Variants in SCUBE1 observed in about 807,000 individuals in gnomAD.
SCUBE1 encodes the protein signal peptide, CUB and EGF-like domain-containing protein 1.
SCUBE1 carries 59 observed loss-of-function variants against 124.4 expected under a neutral mutation model. The ratio of observed to expected loss-of-function variants is 0.47; its 90% CI spans 0.38 to 0.59. The LOEUF is 0.59. Ranked by LOEUF, SCUBE1 falls within the 20% of genes least tolerant of loss-of-function variation. The pLI, the probability that SCUBE1 is intolerant of heterozygous loss-of-function variation, is 0.00. For synonymous variants in SCUBE1, 545 were observed against 550.9 expected (o/e 0.99, Z 0.15); for missense variants, 1,150 against 1,371.2 (o/e 0.84, Z 2.55).
chr22:43,313,991 A>C (rs1054614006), intron 3 of SCUBE1, among the ~76,000 whole-genome samples: 1 of 152,186 alleles, frequency 6.6e-6, no homozygotes, highest in Non-Finnish European at 1.5e-5. Context: ...GAATGTTACA[A>C]CTGGACAAGA....
At chr22:43,221,380 T>G in intron 12 of SCUBE1, 91 bp from the exon 13 acceptor site, 8 of 635,136 alleles carry the variant, frequency 1.3e-5, no homozygotes, top group South Asian at 3.7e-5. Context: ...CAAATCCATC[T>G]GGAGCTGGGG....
At chr22:43,221,917 A>G (rs1034934971) in intron 12 of SCUBE1, among the ~76,000 whole-genome samples, 2 of 152,162 alleles carry the variant, frequency 1.3e-5, no homozygotes, top group Admixed American at 6.5e-5. Context: ...TACAAAAATT[A>G]GCCAGGTGTG....
chr22:43,289,356 C>T (rs913094409), intron 4 of SCUBE1, among the ~76,000 whole-genome samples: 1 of 152,202 alleles, frequency 6.6e-6, no homozygotes, highest in African/African-American at 2.4e-5. Flanking sequence ...TCTTACAAGG[C>T]GCAAAACAAA....
chr22:43,329,218 C>G (rs1397426253), intron 2 of SCUBE1, among the ~76,000 whole-genome samples: 2 of 152,262 alleles, frequency 1.3e-5, no homozygotes, highest in Non-Finnish European at 2.9e-5. Context: ...AACTCTCGTG[C>G]TCCTGCCTAC....
chr22:43,206,260 C>T (rs1447940394), intron 21 of SCUBE1, among the ~76,000 whole-genome samples: 3 of 149,618 alleles, frequency 2.0e-5, no homozygotes, highest in Non-Finnish European at 4.5e-5. Context: ...CCCTACATAC[C>T]CCTACATACA....
chr22:43,338,925 G>A (rs987958757), intron 2 of SCUBE1, among the ~76,000 whole-genome samples, 179 bp downstream of exon 2: 11 of 152,218 alleles, frequency 7.2e-5, no homozygotes, highest in Non-Finnish European at 1.3e-4. Flanking sequence ...GGAAGCAGCC[G>A]GCATTTCCGA....
intron 7 of SCUBE1, among the ~76,000 whole-genome samples, chr22:43,235,963 C>A (rs1922745155): frequency 6.6e-6 from 1 of 152,210 alleles, no homozygotes; most frequent in African/African-American, 2.4e-5. Context: ...ACTCTCCCAA[C>A]CCTGCCTCCA....
At chr22:43,224,372 T>C (rs1410848656) in intron 10 of SCUBE1, among the ~76,000 whole-genome samples, 1 of 152,356 alleles carries the variant, frequency 6.6e-6, no homozygotes, top group Non-Finnish European at 1.5e-5. Flanking sequence ...GACACACATT[T>C]ACCTGTGTGT....
intron 3 of SCUBE1, among the ~76,000 whole-genome samples, chr22:43,299,859 C>A (rs1925701449): frequency 6.6e-6 from 1 of 152,172 alleles, no homozygotes; most frequent in Non-Finnish European, 1.5e-5. Flanking sequence ...CTGGACATTT[C>A]ATGTAAAGAG....
intron 6 of SCUBE1, among the ~76,000 whole-genome samples, chr22:43,248,316 G>A (rs1486726809): frequency 6.6e-6 from 1 of 152,198 alleles, no homozygotes; most frequent in Non-Finnish European, 1.5e-5. Flanking sequence ...AGGTGGCCTG[G>A]GTGGGCCACA....
At position 43,231,817 on chromosome 22, in the gene SCUBE1, C is replaced by A. The variant is rs766009571; in HGVS notation, c.903G>T (p.Val301=). Residue 301 remains valine, a synonymous_variant, in exon 8 of 22, where the codon GTG becomes GTT. Transcript: ENST00000360835. The stretch of plus-strand genomic sequence containing the variant: ...TCCGGCAGCCGCACTCGAAGCTGCC[C>A]ACGGTGTTGCGGCAGAAGTGGTCGC... ...GGCDHFCRNT[V]GSFECGCRKG... is the part of the protein sequence containing the mutation. 4 of 1,613,246 alleles carry A rather than the reference C, an allele frequency of 2.5e-6. No homozygotes were observed. In the East Asian group the frequency reaches 8.9e-5, roughly 36 times the overall value.
rs1019490639 is a variant in SCUBE1, at chr22:43,198,143, G to T, written c.*5854C>A. On this transcript the variant is annotated 3_prime_UTR_variant, in exon 22 of 22. Coordinates refer to ENST00000360835, the MANE Select transcript of SCUBE1 (RefSeq NM_173050.5). The stretch of plus-strand genomic sequence containing the variant: ...CCCCACCATCTACATGGGGCTGGGG[G>T]GATGGAATGTGTGGATATTAGAGGG... 2 of 216,652 alleles carry T rather than the reference G, an allele frequency of 9.2e-6. No individual in the cohort carries two copies. The highest frequency in any genetic ancestry group is 9.4e-6 in the Non-Finnish European group (1 of 106,802). 13.4% of individuals were successfully genotyped at this position (216,652 alleles called of 1,614,324 possible).
intron 12 of SCUBE1, among the ~76,000 whole-genome samples, 193 bp downstream of exon 12, chr22:43,222,445 T>C (rs1486886410): frequency 6.6e-6 from 1 of 152,090 alleles, no homozygotes; most frequent in Non-Finnish European, 1.5e-5. Flanking sequence ...GACCCTGGGC[T>C]AGAACTCGGC....
rs150291441 is a variant in SCUBE1 at position 43,210,224 on chromosome 22, G to A, written c.2400C>T (p.Gly800=). The A allele has an allele frequency of 3.7e-5, 58 of 1,560,378 alleles. No individual in the cohort carries two copies. Among genetic ancestry groups the A allele is most frequent in the Middle Eastern group, 1.7e-4 (1 of 5,888 alleles). The change falls in exon 19 of 22, where the codon GGC becomes GGT. Residue 800 remains glycine, a synonymous_variant. Coordinates refer to ENST00000360835, the MANE Select transcript of SCUBE1 (RefSeq NM_173050.5). The surrounding 1 kb of genome is among the most constrained non-coding windows in gnomAD (Gnocchi z 4.5). ...TGTAGCCGGTGTAGTCACCAAGCTC[G>A]CCGCCGCAGTGCTGGTCTGTGGGCA... ...VTHCKNQHCG[G]ELGDYTGYIE... is the part of the protein sequence containing the mutation.
intron 13 of SCUBE1, 111 bp downstream of exon 13, chr22:43,221,062 A>C: frequency 1.4e-6 from 1 of 703,896 alleles, no homozygotes; most frequent in South Asian, 1.7e-5. Context: ...GGTGAGAGAG[A>C]CCTCCACCCT....
At chr22:43,226,565 A>G (rs1182666135) in intron 10 of SCUBE1, among the ~76,000 whole-genome samples, 3 of 134,918 alleles carry the variant, frequency 2.2e-5, no homozygotes, top group Non-Finnish European at 4.6e-5. Flanking sequence ...CCTTCGGGCC[A>G]TTCCAAGCGC....
intron 3 of SCUBE1, among the ~76,000 whole-genome samples, chr22:43,301,427 C>T (rs1049817104): frequency 6.6e-6 from 1 of 152,212 alleles, no homozygotes; most frequent in Non-Finnish European, 1.5e-5. Flanking sequence ...TCCAGCCAGG[C>T]TGCTGTGTCC....
chr22:43,330,297 A>G (rs1926864618), intron 2 of SCUBE1, among the ~76,000 whole-genome samples: 2 of 152,134 alleles, frequency 1.3e-5, no homozygotes, highest in Admixed American at 6.5e-5. Flanking sequence ...AAATGCTTCC[A>G]TTGACCATCA....
intron 4 of SCUBE1, among the ~76,000 whole-genome samples, chr22:43,267,822 C>G (rs997119090): frequency 6.6e-6 from 1 of 152,184 alleles, no homozygotes; most frequent in Non-Finnish European, 1.5e-5. Context: ...AGTGAGCTAA[C>G]GGGAAGGAAT....
Sources: allele counts gnomAD v4.1 joint callset (sites outside exome capture counted in the v4.1 genomes callset), GRCh38; gene constraint gnomAD v4.1.1; non-coding constraint Gnocchi (gnomAD v3.1); transcripts MANE v1.5; gene names NCBI Gene and HGNC (gene_info 2026-07-23, HGNC 2026-07-21).